Variants in BCAS3 observed in about 807,000 individuals in gnomAD.
BCAS3 encodes the protein BCAS4/BCAS3 fusion.
In BCAS3, 53 loss-of-function variants were observed where a neutral mutation model predicts 116.1. That is an observed-to-expected ratio of 0.46 (90% confidence interval 0.37 to 0.57). BCAS3 has a LOEUF of 0.57. Among genes scored for constraint, BCAS3 ranks in the 20% least tolerant of loss-of-function variants. The probability of loss-of-function intolerance (pLI) is 0.00; values close to 1 mark genes in which losing one functional copy is unlikely to be tolerated. For missense variants in BCAS3, 917 were observed against 1,165.4 expected (o/e 0.79, Z 3.10); for synonymous variants, 391 against 408.2 (o/e 0.96, Z 0.51).
At position 61,208,052 on chromosome 17, in the gene BCAS3, A is replaced by C. The variant is rs1453763235; in HGVS notation, c.2425+123488A>C. Among the ~76,000 whole-genome samples the C allele has an allele frequency of 6.6e-6, 1 of 152,224 alleles. No individual in the cohort carries two copies. The highest frequency in any genetic ancestry group is 1.5e-5 in the Non-Finnish European group (1 of 68,038). ...AAACTTAGGAGATAATGTTGATCAC[A>C]TACCCTTTTTTATTATATCTTAGTA... On this transcript the variant is annotated intron_variant, in intron 22 of 23. Coordinates refer to ENST00000407086, the MANE Select transcript of BCAS3 (RefSeq NM_017679.5). This position sits in a 1 kb window ranked among gnomAD's most constrained non-coding sequence, Gnocchi z 4.5.
chr17:61,328,773 A>T (rs561669272), intron 22 of BCAS3, among the ~76,000 whole-genome samples: 8 of 152,238 alleles, frequency 5.3e-5, no homozygotes, highest in Admixed American at 2.0e-4. Flanking sequence ...CTCAAAAAAC[A>T]AGACAACAAA....
intron 5 of BCAS3, chr17:60,727,402 C>G: frequency 4.4e-6 from 7 of 1,607,320 alleles, no homozygotes; most frequent in Non-Finnish European, 6.0e-6. Context: ...AATCCTTGCT[C>G]TTATACTGTG....
chr17:60,725,054 T>G (rs1264266732), intron 5 of BCAS3, among the ~76,000 whole-genome samples: 2 of 152,140 alleles, frequency 1.3e-5, no homozygotes, highest in Non-Finnish European at 2.9e-5. Context: ...GGGGCTCTCA[T>G]TATGTTACGC....
At position 60,699,584 on chromosome 17, in the gene BCAS3, C is replaced by A. The variant is rs565433637; in HGVS notation, c.215-9635C>A. Among the ~76,000 whole-genome samples the A allele has an allele frequency of 1.5e-3, 233 of 152,182 alleles. 1 individual carries two copies. Among genetic ancestry groups the A allele is most frequent in the African/African-American group, 5.4e-3 (226 of 41,532 alleles). Reference sequence around the variant, plus strand: ...GCCCTAGGTACATAAGTTTATAATTCTGAATTTTGCTGGATATGGAATCAT... The same window carrying A: ...GCCCTAGGTACATAAGTTTATAATTATGAATTTTGCTGGATATGGAATCAT... On this transcript the variant is annotated intron_variant, in intron 4 of 23. Coordinates refer to ENST00000407086, the MANE Select transcript of BCAS3 (RefSeq NM_017679.5).
chr17:60,987,526 T>G (rs1037460464), intron 14 of BCAS3, among the ~76,000 whole-genome samples: 2 of 152,110 alleles, frequency 1.3e-5, no homozygotes, highest in African/African-American at 4.8e-5. Context: ...TTTATCAGTG[T>G]TTTGTAGTTT....
intron 14 of BCAS3, among the ~76,000 whole-genome samples, chr17:60,984,226 G>A (rs956016178): frequency 6.6e-6 from 1 of 152,198 alleles, no homozygotes; most frequent in Non-Finnish European, 1.5e-5. Context: ...TTCTAGCAAT[G>A]AAGTATCTTG....
chr17:61,370,732 T>C (rs1490896624), intron 23 of BCAS3, among the ~76,000 whole-genome samples: 1 of 152,232 alleles, frequency 6.6e-6, no homozygotes, highest in Non-Finnish European at 1.5e-5. Context: ...GCAGATGTTA[T>C]GGAAGTTACC....
At chr17:61,342,192 C>T (rs183626446) in intron 22 of BCAS3, among the ~76,000 whole-genome samples, 218 of 152,282 alleles carry the variant, frequency 1.4e-3, no homozygotes, top group African/African-American at 4.9e-3. Context: ...TTAGTACAGA[C>T]GAGGTTTCAC....
chr17:60,903,841 A>C (rs1212571885), intron 11 of BCAS3, among the ~76,000 whole-genome samples: 1 of 152,230 alleles, frequency 6.6e-6, no homozygotes, highest in African/African-American at 2.4e-5. Flanking sequence ...AAACATCTTC[A>C]GTATTAGTCT....
At chr17:61,202,858 C>G (rs990789443) in intron 22 of BCAS3, among the ~76,000 whole-genome samples, 2 of 152,160 alleles carry the variant, frequency 1.3e-5, no homozygotes, top group African/African-American at 4.8e-5. Flanking sequence ...CTAAATATCT[C>G]ATAGATTAAG....
intron 22 of BCAS3, among the ~76,000 whole-genome samples, chr17:61,133,975 G>GAT (rs1202703104): frequency 1.3e-5 from 2 of 150,878 alleles, no homozygotes; most frequent in Non-Finnish European, 2.9e-5. Context: ...TCACATATGT[G>GAT]TTCCAAGGAG....
intron 14 of BCAS3, among the ~76,000 whole-genome samples, chr17:60,950,682 A>G (rs1023658033): frequency 6.6e-6 from 1 of 152,234 alleles, no homozygotes; most frequent in African/African-American, 2.4e-5. Flanking sequence ...TGATATCTCT[A>G]ATGTGCTTTA....
At chr17:61,202,613 A>G (rs978487428) in intron 22 of BCAS3, among the ~76,000 whole-genome samples, 4 of 152,246 alleles carry the variant, frequency 2.6e-5, no homozygotes, top group Admixed American at 1.3e-4. Flanking sequence ...TTAGAATATG[A>G]TGCCTTTGAG....
chr17:60,802,763 T>C (rs1191478756), intron 6 of BCAS3, among the ~76,000 whole-genome samples: 3 of 152,124 alleles, frequency 2.0e-5, no homozygotes, highest in Non-Finnish European at 4.4e-5. Flanking sequence ...TGCCTCAGCC[T>C]CCCGAGTGGC....
At chr17:60,684,288 G>A (rs2033699491) in intron 3 of BCAS3, among the ~76,000 whole-genome samples, 1 of 152,110 alleles carries the variant, frequency 6.6e-6, no homozygotes, top group Non-Finnish European at 1.5e-5. Flanking sequence ...GTAGAGATTT[G>A]AGACCTGGGA....
intron 19 of BCAS3, among the ~76,000 whole-genome samples, chr17:61,052,555 A>G (rs1043848988): frequency 6.6e-6 from 1 of 152,164 alleles, no homozygotes; most frequent in Non-Finnish European, 1.5e-5. Flanking sequence ...ATAAAACAAT[A>G]CTTTGGGAAT....
intron 15 of BCAS3, among the ~76,000 whole-genome samples, chr17:61,000,494 CTTA>C (rs138073486): frequency 0.026 from 3,914 of 152,158 alleles, 65 homozygotes; most frequent in Non-Finnish European, 0.039. Flanking sequence ...TATTACCAAT[CTTA>C]TAGAGTAACT....
chr17:61,319,893 T>A (rs1269784864), intron 22 of BCAS3, among the ~76,000 whole-genome samples: 2 of 129,236 alleles, frequency 1.5e-5, no homozygotes, highest in African/African-American at 7.2e-5. Flanking sequence ...TTTTTTATTT[T>A]TTATTTTTTT....
intron 22 of BCAS3, among the ~76,000 whole-genome samples, chr17:61,294,795 G>A (rs2052741103): frequency 6.6e-6 from 1 of 152,208 alleles, no homozygotes; most frequent in Non-Finnish European, 1.5e-5. Flanking sequence ...GATGCAGCTG[G>A]TCTTTGGGAT....
Sources: gnomAD v4.1 joint callset for allele counts (sites outside exome capture counted in the v4.1 genomes callset) on GRCh38, gnomAD v4.1.1 for gene constraint, Gnocchi (gnomAD v3.1) non-coding constraint, MANE v1.5 for transcripts, NCBI Gene and HGNC (gene_info 2026-07-23, HGNC 2026-07-21) for gene names.